The following SYK variants were observed in gnomAD, a reference collection of about 807,000 sequenced individuals.
SYK encodes tyrosine-protein kinase SYK.
In SYK, 16 loss-of-function variants were observed where a neutral mutation model predicts 77.8. The ratio of observed to expected loss-of-function variants is 0.21; its 90% confidence interval spans 0.14 to 0.31. SYK has a LOEUF of 0.31. SYK is among the 10% of genes least tolerant of loss of function. SYK has a pLI of 1.00. For synonymous variants in SYK, 312 were observed against 308.7 expected, an observed-to-expected ratio of 1.01 and a Z score of -0.11; for missense variants, 529 against 814.4, an observed-to-expected ratio of 0.65 and a Z score of 4.26.
In SYK at chr9:90,878,814, G is replaced by T; in HGVS notation, c.1442G>T (p.Gly481Val). The T allele has an allele frequency of 1.9e-6, 3 of 1,614,040 alleles. No homozygotes were observed. Among genetic ancestry groups the T allele is most frequent in the Non-Finnish European group, 2.5e-6 (3 of 1,179,900 alleles). The change falls in exon 11 of 14, where the codon GGC (glycine) becomes GTC (valine). Residue 481 changes from glycine to valine, a missense_variant. By Grantham distance (109) the Gly-to-Val change is moderately radical. Coordinates refer to ENST00000375754, the MANE Select transcript of SYK (RefSeq NM_003177.7). ...GAACTGGTTCATCAGGTTTCCATGGGCATGAAGTACTTGGAGGAGAGCAAT... is the reference window on the plus strand; with the variant it reads ...GAACTGGTTCATCAGGTTTCCATGGTCATGAAGTACTTGGAGGAGAGCAAT... Reference protein sequence around the residue: ...IIELVHQVSMGMKYLEESNFV... With the variant: ...IIELVHQVSMVMKYLEESNFV...
intron 1 of SYK, among the ~76,000 whole-genome samples, chr9:90,831,908 G>C (rs1008885406): frequency 5.9e-5 from 9 of 152,076 alleles, no homozygotes; most frequent in African/African-American, 2.2e-4. Context: ...CTTACTGTCT[G>C]GTGTCTCTAA....
intron 1 of SYK, among the ~76,000 whole-genome samples, chr9:90,833,952 G>A (rs1335177788): frequency 6.6e-6 from 1 of 152,204 alleles, no homozygotes; most frequent in Non-Finnish European, 1.5e-5. Flanking sequence ...GGCTCCAGGA[G>A]GGTGGCTGGC....
chr9:90,827,799 C>T (rs1244617317), intron 1 of SYK, among the ~76,000 whole-genome samples: 1 of 152,206 alleles, frequency 6.6e-6, no homozygotes, highest in Non-Finnish European at 1.5e-5. Context: ...GCAGCTAAAG[C>T]ATCCTTCTCT....
intron 3 of SYK, among the ~76,000 whole-genome samples, chr9:90,855,011 T>TACACACACACACACCAC (rs1826969954): frequency 7.0e-6 from 1 of 143,314 alleles, no homozygotes. Flanking sequence ...CACACATACA[T>TACACACACACACACCAC]ACACACACAC....
At chr9:90,867,239 A>G (rs761815282) in intron 7 of SYK, 40 bp downstream of exon 7, 3 of 1,600,886 alleles carry the variant, frequency 1.9e-6, no homozygotes, top group South Asian at 1.1e-5. Flanking sequence ...ACTAAGTGGT[A>G]GGACCAACGC....
chr9:90,884,218 C>CATATACACATACACATACGTGTAT (rs1554714354), intron 11 of SYK, among the ~76,000 whole-genome samples: 509 of 41,784 alleles, frequency 0.012, 24 homozygotes, highest in African/African-American at 0.019. Flanking sequence ...TATATACACG[C>CATATACACATACACATACGTGTAT]ATATACACAT....
chr9:90,853,895 A>AAT (rs1399014268), intron 3 of SYK, among the ~76,000 whole-genome samples: 1 of 152,080 alleles, frequency 6.6e-6, no homozygotes, highest in African/African-American at 2.4e-5. Context: ...AATAAAATAA[A>AAT]AAAGAAAAAA....
chr9:90,846,595 A>G (rs576783947), intron 3 of SYK, among the ~76,000 whole-genome samples: 1 of 151,928 alleles, frequency 6.6e-6, no homozygotes, highest in South Asian at 2.1e-4. Flanking sequence ...CCTCACTATG[A>G]TCTCACTATC....
chr9:90,847,192 C>G (rs961111180), intron 3 of SYK, among the ~76,000 whole-genome samples: 4 of 152,228 alleles, frequency 2.6e-5, no homozygotes, highest in African/African-American at 9.6e-5. Context: ...TGTTCCCTAT[C>G]TGCCCTGTAC....
At chr9:90,826,114 G>C (rs1825658208) in intron 1 of SYK, among the ~76,000 whole-genome samples, 1 of 152,204 alleles carries the variant, frequency 6.6e-6, no homozygotes, top group African/African-American at 2.4e-5. Context: ...AGTTAGGCAG[G>C]AAAGCCCCAA....
intron 1 of SYK, among the ~76,000 whole-genome samples, chr9:90,808,529 A>G (rs919791685): frequency 4.0e-5 from 6 of 150,322 alleles, no homozygotes; most frequent in African/African-American, 1.5e-4. Context: ...CCTGTCCCAC[A>G]TGAGATAGGA....
At chr9:90,835,683 C>T (rs942767791) in intron 1 of SYK, among the ~76,000 whole-genome samples, 2 of 152,116 alleles carry the variant, frequency 1.3e-5, no homozygotes, top group Non-Finnish European at 2.9e-5. Context: ...AGTTCCCTTC[C>T]CTTAAGAGGC....
At chr9:90,860,353 CATAA>C (rs1428369997) in intron 3 of SYK, among the ~76,000 whole-genome samples, 1 of 152,252 alleles carries the variant, frequency 6.6e-6, no homozygotes, top group African/African-American at 2.4e-5. Flanking sequence ...ATAGAATAAA[CATAA>C]ATAGTCTCAC....
intron 11 of SYK, 85 bp downstream of exon 11, chr9:90,879,038 A>G (rs1370951409): frequency 1.5e-5 from 16 of 1,100,924 alleles, no homozygotes; most frequent in African/African-American, 3.1e-5. Context: ...TATTATTGGT[A>G]TGGTTTCAAA....
chr9:90,814,458 C>T (rs1418772699), intron 1 of SYK, among the ~76,000 whole-genome samples: 1 of 152,216 alleles, frequency 6.6e-6, no homozygotes, highest in Non-Finnish European at 1.5e-5. Context: ...CCAGTTGCCA[C>T]ACGTGGGTGG....
chr9:90,843,790 G>A, intron 1 of SYK, 68 bp from the exon 2 acceptor site: 1 of 1,260,148 alleles, frequency 7.9e-7, no homozygotes, highest in East Asian at 2.8e-5. Context: ...AAGGGTTTGA[G>A]TGGTTTTAGC....
At position 90,803,633 on chromosome 9, in the gene SYK, T is replaced by C. The variant is rs776068309; in HGVS notation, c.-42+1740T>C. On this transcript the variant is annotated intron_variant, in intron 1 of 13. Transcript: ENST00000375754. Reference sequence around the variant, plus strand: ...ATGCAGGTCTAATCTCTCTGCTTTTTTTTAATGGAAGACTTCTTAGTAGAA... The same window carrying C: ...ATGCAGGTCTAATCTCTCTGCTTTTCTTTAATGGAAGACTTCTTAGTAGAA... 6.6e-5 allele frequency among the ~76,000 whole-genome samples: 10 copies of C among 152,284 alleles called. No individual in the cohort carries two copies. The South Asian group carries it at 1.9e-3, about 28-fold the overall frequency.
chr9:90,815,480 A>G (rs1160851276), intron 1 of SYK, among the ~76,000 whole-genome samples: 1 of 152,226 alleles, frequency 6.6e-6, no homozygotes. Context: ...AAAGGCCACA[A>G]GAGAAGTCGT....
At chr9:90,894,127 G>C (rs578074258) in intron 13 of SYK, among the ~76,000 whole-genome samples, 19 of 152,298 alleles carry the variant, frequency 1.2e-4, no homozygotes, top group African/African-American at 4.6e-4. Flanking sequence ...AAGATCCAAA[G>C]GTGCTCTTTG....
Sources: gnomAD v4.1 joint callset for allele counts (sites outside exome capture counted in the v4.1 genomes callset) on GRCh38, gnomAD v4.1.1 for gene constraint, MANE v1.5 for transcripts, NCBI Gene and HGNC (gene_info 2026-07-23, HGNC 2026-07-21) for gene names.